The following VSTM2B variants were observed in gnomAD, a reference collection of about 807,000 sequenced individuals.
The protein encoded by VSTM2B is V-set and transmembrane domain-containing protein 2B.
Under a neutral mutation model 24.0 loss-of-function variants are expected in VSTM2B, and 24 were observed. That is an observed-to-expected ratio of 1.00 (90% CI 0.72 to 1.40). VSTM2B has a LOEUF of 1.40. VSTM2B is among the 40% of genes most tolerant of loss of function. The pLI is 0.00. For missense variants in VSTM2B, 399 were observed against 416.4 expected (o/e 0.96, Z 0.36); for synonymous variants, 226 against 194.4 (o/e 1.16, Z -1.35).
Position 29,526,821 on chromosome 19 carries a change from G to C in VSTM2B, c.82+156G>C. On this transcript the variant is annotated intron_variant, in intron 1 of 4. Transcript: ENST00000335523. The surrounding 1 kb of genome is among the most constrained non-coding windows in gnomAD (Gnocchi z 4.1). ...CCCGGAGGGGTAGGGAGAGGCGAGC[G>C]GCGAAGGGTCGCCGCAGCAGCAGCG... is the stretch of plus-strand genomic sequence containing the variant. The C allele has an allele frequency of 1.5e-6, 1 of 647,012 alleles. No homozygotes were observed. Among genetic ancestry groups the C allele is most frequent in the Non-Finnish European group, 2.4e-6 (1 of 413,732 alleles). 40.1% of individuals were successfully genotyped at this position (647,012 alleles called of 1,614,324 possible).
chr19:29,539,045 G>GCACCATT, intron 4 of VSTM2B, among the ~76,000 whole-genome samples: 1 of 152,266 alleles, frequency 6.6e-6, no homozygotes, highest in East Asian at 1.9e-4. Flanking sequence ...TTCTCTGGCT[G>GCACCATT]CACCATTTCA....
intron 4 of VSTM2B, among the ~76,000 whole-genome samples, chr19:29,545,575 T>C (rs947917513): frequency 6.6e-6 from 1 of 152,146 alleles, no homozygotes; most frequent in African/African-American, 2.4e-5. Context: ...ATCATGCCAT[T>C]GCACGCCAGC....
At chr19:29,531,008 C>T (rs1218346861) in intron 4 of VSTM2B, among the ~76,000 whole-genome samples, 1 of 134,016 alleles carries the variant, frequency 7.5e-6, no homozygotes, top group Non-Finnish European at 1.6e-5. Context: ...GGATGGGGGG[C>T]GGGATGTGAG....
chr19:29,556,600 A>C (rs934153959), intron 4 of VSTM2B, among the ~76,000 whole-genome samples: 1 of 149,554 alleles, frequency 6.7e-6, no homozygotes, highest in Non-Finnish European at 1.5e-5. Flanking sequence ...AACTGTTTGC[A>C]GATGACATGA....
chr19:29,527,180 G>A (rs1969599472), intron 1 of VSTM2B, 31 bp from the exon 2 acceptor site: 2 of 1,535,216 alleles, frequency 1.3e-6, no homozygotes, highest in African/African-American at 1.4e-5. Context: ...CCTACAGCTG[G>A]TCACGCCTCT....
At position 29,530,279 on chromosome 19, in the gene VSTM2B, G is replaced by A. The variant is rs1198031722; in HGVS notation, c.758G>A (p.Arg253Lys). The change falls in exon 4 of 5, where the codon AGG (arginine) becomes AAG (lysine). Residue 253 changes from arginine (R) to lysine (K), a missense_variant. Arg to Lys is a conservative substitution (Grantham distance 26). Transcript: ENST00000335523. ...PSGQAVLLRQRHGSGTGRSYT... is the reference protein window; with the variant it reads ...PSGQAVLLRQKHGSGTGRSYT... ...GGACAGGCGGTCCTGCTGCGCCAGAGGCACGGCTCGGGTAAGGGATCGCGG... is the reference window on the plus strand; with the variant it reads ...GGACAGGCGGTCCTGCTGCGCCAGAAGCACGGCTCGGGTAAGGGATCGCGG... 1 of 1,500,918 alleles carries A rather than the reference G, an allele frequency of 6.7e-7. No homozygotes were observed. Among genetic ancestry groups the A allele is most frequent in the African/African-American group, 1.5e-5 (1 of 68,850 alleles). 93.0% of individuals were successfully genotyped at this position (1,500,918 alleles called of 1,614,324 possible). A position where few individuals can be genotyped will look rare whatever the true frequency, so the allele number is the denominator to read the frequency against.
rs1401190770 is a variant in VSTM2B, at chr19:29,563,865, C to A, written c.789C>A (p.Thr263=). Residue 263 remains threonine, a synonymous_variant, in exon 5 of 5, where the codon ACC becomes ACA. Transcript: ENST00000335523. The part of the protein sequence containing the change: ...RHGSGTGRSY[T]TDPLLSLLLL... ...CTGCAGGCACCGGCCGTAGCTACAC[C>A]ACAGACCCACTCTTGTCCCTGCTCC... 6.4e-7 allele frequency: 1 copy of A among 1,552,244 alleles called. No homozygotes were observed. The highest frequency in any genetic ancestry group is 8.7e-7 in the Non-Finnish European group (1 of 1,147,104).
chr19:29,539,615 C>T (rs1470649428), intron 4 of VSTM2B, among the ~76,000 whole-genome samples: 1 of 152,226 alleles, frequency 6.6e-6, no homozygotes, highest in Non-Finnish European at 1.5e-5. Context: ...CCGTTACAGG[C>T]TCAGGACATG....
At chr19:29,537,065 T>C (rs987138670) in intron 4 of VSTM2B, among the ~76,000 whole-genome samples, 4 of 152,128 alleles carry the variant, frequency 2.6e-5, no homozygotes, top group African/African-American at 9.7e-5. Flanking sequence ...CAGGCATCTC[T>C]TGTAAACTTG....
At chr19:29,528,818 C>G in intron 3 of VSTM2B, 1 of 827,450 alleles carries the variant, frequency 1.2e-6, no homozygotes, top group African/African-American at 1.8e-5. Context: ...GCTGCTCGCC[C>G]TCGCCGCGAC....
chr19:29,556,616 T>A lies in VSTM2B; in HGVS notation c.770-7230T>A, dbSNP rs1330238031. Among the ~76,000 whole-genome samples the A allele has an allele frequency of 2.0e-5, 3 of 152,190 alleles. No individual in the cohort carries two copies. In the East Asian group the frequency reaches 5.8e-4, roughly 29 times the overall value. On this transcript the variant is annotated intron_variant, in intron 4 of 4. Transcript: ENST00000335523. ...ACTGTTTGCAGATGACATGATCCTA[T>A]ATCTAGAAAACCCCATTGTCTCAGC...
chr19:29,527,158 C>G, intron 1 of VSTM2B, 53 bp from the exon 2 acceptor site: 2 of 1,490,306 alleles, frequency 1.3e-6, no homozygotes, highest in Non-Finnish European at 1.8e-6. Context: ...TTAGGTTGCC[C>G]CAGGCCCCCG....
chr19:29,543,238 T>A (rs1240013401), intron 4 of VSTM2B, among the ~76,000 whole-genome samples: 1 of 152,220 alleles, frequency 6.6e-6, no homozygotes, highest in African/African-American at 2.4e-5. Context: ...CACCAGGCAA[T>A]AATTCATAAT....
intron 4 of VSTM2B, among the ~76,000 whole-genome samples, chr19:29,530,568 T>G (rs1485338382): frequency 6.6e-6 from 1 of 151,820 alleles, no homozygotes; most frequent in Non-Finnish European, 1.5e-5. Flanking sequence ...GAGGCTGTAG[T>G]GTGGGGAGGC....
upstream of VSTM2B, chr19:29,525,886 G>A (rs934298489): frequency 1.3e-5 from 2 of 149,684 alleles, no homozygotes; most frequent in Admixed American, 6.6e-5. Context: ...GCGGGGGCGG[G>A]GCGGGCTGTG....
intron 4 of VSTM2B, among the ~76,000 whole-genome samples, chr19:29,559,783 T>C (rs1006846118): frequency 4.6e-5 from 7 of 152,226 alleles, no homozygotes; most frequent in African/African-American, 1.4e-4. Flanking sequence ...TGCATGGCAC[T>C]TGACTCTGTT....
intron 4 of VSTM2B, among the ~76,000 whole-genome samples, chr19:29,534,915 A>T (rs1197536552): frequency 6.6e-6 from 1 of 152,118 alleles, no homozygotes; most frequent in South Asian, 2.1e-4. Flanking sequence ...CGAAGGAGAG[A>T]GGGGGGACTT....
In VSTM2B at chr19:29,527,200, C is replaced by T; in HGVS notation, c.83-11C>T. 1 of 1,545,740 alleles carries T rather than the reference C, an allele frequency of 6.5e-7. No homozygotes were observed. The highest frequency in any genetic ancestry group is 2.0e-5 in the Admixed American group (1 of 50,764). ...AGCTGGTCACGCCTCTCTCTCTCTC[C>T]CCACCCCCAGCTGCATTCACAGAAG... On this transcript the variant is annotated splice_polypyrimidine_tract_variant and intron_variant, in intron 1 of 4. Transcript: ENST00000335523.
chr19:29,535,854 C>T (rs540815561), intron 4 of VSTM2B, among the ~76,000 whole-genome samples: 6 of 152,192 alleles, frequency 3.9e-5, no homozygotes, highest in South Asian at 2.1e-4. Flanking sequence ...CCCATCTCCC[C>T]GGACCCACGA....
Sources: gnomAD v4.1 joint callset for allele counts (sites outside exome capture counted in the v4.1 genomes callset) on GRCh38, gnomAD v4.1.1 for gene constraint, Gnocchi (gnomAD v3.1) non-coding constraint, MANE v1.5 for transcripts, NCBI Gene and HGNC (gene_info 2026-07-23, HGNC 2026-07-21) for gene names.